REG3G: variants seen among roughly 807,000 people sequenced by gnomAD.
REG3G encodes the protein regenerating islet-derived protein 3-gamma.
REG3G carries 19 observed loss-of-function variants against 20.9 expected under a neutral mutation model. That is an observed-to-expected ratio of 0.91 (90% CI 0.64 to 1.34). REG3G has a LOEUF of 1.34. Among genes scored for constraint, REG3G ranks in the 40% most tolerant of loss-of-function variants. The pLI is 0.00. For missense variants in REG3G, 235 were observed against 205.0 expected (o/e 1.15, Z -0.89); for synonymous variants, 89 against 77.4 (o/e 1.15, Z -0.79).
At position 79,026,067 on chromosome 2, in the gene REG3G, C is replaced by G; in HGVS notation, c.-27C>G. 1.2e-6 allele frequency: 2 copies of G among 1,611,588 alleles called. No individual in the cohort carries two copies. The highest frequency in any genetic ancestry group is 1.7e-6 in the Non-Finnish European group (2 of 1,177,844). On this transcript the variant is annotated 5_prime_UTR_variant, in exon 2 of 6. Coordinates refer to ENST00000272324, the MANE Select transcript of REG3G (RefSeq NM_001008387.3). ...GCTGACCACACTTCCTTTAGTGACCCGATTGCCTCCTCAAGTCGCAGACAC... is the reference window on the plus strand; with the variant it reads ...GCTGACCACACTTCCTTTAGTGACCGGATTGCCTCCTCAAGTCGCAGACAC...
chr2:79,027,353 C>A, intron 4 of REG3G, 182 bp downstream of exon 4: 1 of 596,974 alleles, frequency 1.7e-6, no homozygotes, highest in South Asian at 2.6e-5. Context: ...TACGGAGATC[C>A]CTAGTCTTTA....
In REG3G at chr2:79,026,931, T is replaced by C. The variant is rs533946922; in HGVS notation, c.195+100T>C. 19 of 1,466,566 alleles carry C rather than the reference T, an allele frequency of 1.3e-5. No individual in the cohort carries two copies. In the East Asian group the frequency reaches 4.2e-4, roughly 32 times the overall value. 90.8% of individuals were successfully genotyped at this position (1,466,566 alleles called of 1,614,324 possible). A position where few individuals can be genotyped will look rare whatever the true frequency, so the allele number is the denominator to read the frequency against. On this transcript the variant is annotated intron_variant, in intron 3 of 5. Coordinates refer to ENST00000272324, the MANE Select transcript of REG3G (RefSeq NM_001008387.3). ...CAGGAGAGTTCCTTGGGAATGAGGA[T>C]GAACACGCTTATCTTTCACACAGTC... is the stretch of plus-strand genomic sequence containing the variant.
Position 79,026,151 on chromosome 2 carries a change from CT to C in REG3G, c.59del (p.Leu20ProfsTer73). 1.2e-6 allele frequency: 2 copies of C among 1,613,988 alleles called. No homozygotes were observed. Among genetic ancestry groups the C allele is most frequent in the Non-Finnish European group, 1.7e-6 (2 of 1,179,870 alleles). On this transcript the variant is annotated frameshift_variant, in exon 2 of 6. Transcript: ENST00000272324. LOFTEE classifies it high-confidence loss of function. ...VSWMLLSCLI[L>X]LCQVQGEETQ... ...CTGGATGCTGCTTTCCTGCCTCATT[CT>C]CCTGTGTCAGGTTCAAGGTGAGATT...
At chr2:79,026,263 G>T in intron 2 of REG3G, 94 bp downstream of exon 2, 3 of 1,269,818 alleles carry the variant, frequency 2.4e-6, no homozygotes, top group South Asian at 2.4e-5. Context: ...AGGTAATGAC[G>T]TGGTGTCTAA....
intron 4 of REG3G, among the ~76,000 whole-genome samples, chr2:79,027,535 A>C (rs1488245224): frequency 6.6e-6 from 1 of 152,218 alleles, no homozygotes; most frequent in Admixed American, 6.5e-5. Flanking sequence ...TGAGGTTCGC[A>C]GGCTAATCAC....
At chr2:79,026,348 C>T (rs2103963790) in intron 2 of REG3G, 179 bp downstream of exon 2, 3 of 644,398 alleles carry the variant, frequency 4.7e-6, no homozygotes, top group Non-Finnish European at 8.2e-6. Flanking sequence ...CACTGTGGTC[C>T]ACTAACAATG....
At position 79,028,329 on chromosome 2, in the gene REG3G, G is replaced by A. The variant is rs1315386674; in HGVS notation, c.*53G>A. On this transcript the variant is annotated 3_prime_UTR_variant, in exon 6 of 6. Coordinates refer to ENST00000272324, the MANE Select transcript of REG3G (RefSeq NM_001008387.3). ...TTGGCGTGCAGCTCATCATGGACAT[G>A]AGACCAGTGTGAAGACTCACCCTGG... The A allele has an allele frequency of 1.6e-6, 2 of 1,227,806 alleles. No individual in the cohort carries two copies. Among genetic ancestry groups the A allele is most frequent in the Admixed American group, 3.4e-5 (2 of 59,510 alleles). 76.1% of individuals were successfully genotyped at this position (1,227,806 alleles called of 1,614,324 possible).
At chr2:79,025,803 T>TCG in intron 1 of REG3G, 30 bp downstream of exon 1, 2 of 348,036 alleles carry the variant, frequency 5.7e-6, no homozygotes, top group Non-Finnish European at 5.3e-6. Context: ...AGATGAGACC[T>TCG]GTGGAAGGGC....
intron 2 of REG3G, 74 bp downstream of exon 2, chr2:79,026,243 G>T (rs1315631515): frequency 1.4e-6 from 2 of 1,450,970 alleles, no homozygotes; most frequent in Admixed American, 1.7e-5. Context: ...AGGCTCCTGT[G>T]TGTCACGTGA....
chr2:79,027,806 G>C lies in REG3G; in HGVS notation c.334-1G>C. On this transcript the variant is annotated splice_acceptor_variant, in intron 4 of 5. Coordinates refer to ENST00000272324, the MANE Select transcript of REG3G (RefSeq NM_001008387.3). LOFTEE classifies it high-confidence loss of function. ...ACCTGGCTGCCTCCTCTTCTCTATA[G>C]GGCTCTGAGCCTGATGGAGATGGAT... is the stretch of plus-strand genomic sequence containing the variant. 6.2e-7 allele frequency: 1 copy of C among 1,613,982 alleles called. No homozygotes were observed. Among genetic ancestry groups the C allele is most frequent in the South Asian group, 1.1e-5 (1 of 91,066 alleles).
chr2:79,026,629 A>C, intron 2 of REG3G, 84 bp from the exon 3 acceptor site: 2 of 1,090,926 alleles, frequency 1.8e-6, no homozygotes, highest in Non-Finnish European at 2.7e-6. Flanking sequence ...TTCCTCCCCA[A>C]GGGCAGACCT....
At chr2:79,027,318 A>C in intron 4 of REG3G, 147 bp downstream of exon 4, 1 of 824,082 alleles carries the variant, frequency 1.2e-6, no homozygotes, top group Non-Finnish European at 1.9e-6. Context: ...TAGGAAGTCC[A>C]TGAGGCAGCT....
rs772829424 is a variant in REG3G, at chr2:79,026,777, T to C, written c.141T>C (p.Tyr47=). The C allele has an allele frequency of 1.2e-6, 2 of 1,613,760 alleles. No homozygotes were observed. Among genetic ancestry groups the C allele is most frequent in the South Asian group, 1.1e-5 (1 of 91,048 alleles). Residue 47 remains tyrosine (Y), a synonymous_variant, in exon 3 of 6, where the codon TAT becomes TAC. Transcript: ENST00000272324. Reference sequence around the variant, plus strand: ...GCTGTCCCAAAGGCTCCAAGGCCTATGGCTCCCCCTGCTATGCCTTGTTTT... The same window carrying C: ...GCTGTCCCAAAGGCTCCAAGGCCTACGGCTCCCCCTGCTATGCCTTGTTTT... ...RISCPKGSKA[Y]GSPCYALFLS... is the part of the protein sequence containing the mutation.
At position 79,026,387 on chromosome 2, in the gene REG3G, G is replaced by A. The variant is rs527983051; in HGVS notation, c.76+218G>A. 1.3e-5 allele frequency: 8 copies of A among 611,642 alleles called. No individual in the cohort carries two copies. In the East Asian group the frequency reaches 1.9e-4, roughly 15 times the overall value. 37.9% of individuals were successfully genotyped at this position (611,642 alleles called of 1,614,324 possible). A position where few individuals can be genotyped will look rare whatever the true frequency, so the allele number is the denominator to read the frequency against. ...TGAGATGGCTTCCATTTAGTCAGTGGACTCTAATATACACTGGTGGGAAAG... is the reference window on the plus strand; with the variant it reads ...TGAGATGGCTTCCATTTAGTCAGTGAACTCTAATATACACTGGTGGGAAAG... On this transcript the variant is annotated intron_variant, in intron 2 of 5. Transcript: ENST00000272324.
chr2:79,026,037 C>A lies in REG3G; in HGVS notation c.-57C>A. 1 of 1,546,030 alleles carries A rather than the reference C, an allele frequency of 6.5e-7. No homozygotes were observed. Among genetic ancestry groups the A allele is most frequent in the Non-Finnish European group, 8.9e-7 (1 of 1,118,862 alleles). On this transcript the variant is annotated 5_prime_UTR_variant, in exon 2 of 6. Coordinates refer to ENST00000272324, the MANE Select transcript of REG3G (RefSeq NM_001008387.3). ...AGAGGCAGTAGGATATCTGTGTGTC[C>A]TCCCGCTGACCACACTTCCTTTAGT...
chr2:79,026,496 G>C (rs1302035646), intron 2 of REG3G: 5 of 599,248 alleles, frequency 8.3e-6, no homozygotes, highest in African/African-American at 7.4e-5. Context: ...AGAGAGTGTT[G>C]AATGGTTGAA....
At chr2:79,026,995 G>A (rs765668164) in intron 3 of REG3G, 39 bp from the exon 4 acceptor site, 1 of 1,613,412 alleles carries the variant, frequency 6.2e-7, no homozygotes, top group Non-Finnish European at 8.5e-7. Flanking sequence ...CCCTCAGTGG[G>A]TCTCAGGCTC....
In REG3G at chr2:79,026,679, T is replaced by A. The variant is rs761349963; in HGVS notation, c.77-34T>A. On this transcript the variant is annotated intron_variant, in intron 2 of 5. Transcript: ENST00000272324. ...GTCATCTCCCACCCACCCCCTACTCTTCATTTTACTCTCTCCCTTTTCTTC... is the reference window on the plus strand; with the variant it reads ...GTCATCTCCCACCCACCCCCTACTCATCATTTTACTCTCTCCCTTTTCTTC... 8 of 1,554,988 alleles carry A rather than the reference T, an allele frequency of 5.1e-6. No individual in the cohort carries two copies. In the East Asian group the frequency reaches 1.6e-4, roughly 31 times the overall value.
intron 4 of REG3G, 77 bp from the exon 5 acceptor site, chr2:79,027,730 G>A: frequency 6.5e-7 from 1 of 1,550,024 alleles, no homozygotes; most frequent in Non-Finnish European, 8.9e-7. Context: ...GAGGAATCAG[G>A]TGTTACAGCT....
Sources: allele counts gnomAD v4.1 joint callset (sites outside exome capture counted in the v4.1 genomes callset), GRCh38; gene constraint gnomAD v4.1.1; transcripts MANE v1.5; gene names NCBI Gene and HGNC (gene_info 2026-07-23, HGNC 2026-07-21).